The following RORA variants were observed in gnomAD, a reference collection of about 807,000 sequenced individuals.
RORA encodes nuclear receptor ROR-alpha.
RORA carries 7 observed loss-of-function variants against 69.5 expected under a neutral mutation model. The observed-to-expected ratio is 0.10, with a 90% confidence interval of 0.06 to 0.19. The LOEUF is 0.19. Among genes scored for constraint, RORA ranks in the 10% least tolerant of loss-of-function variants. RORA has a pLI of 1.00. For missense variants in RORA, 457 were observed against 663.0 expected (o/e 0.69, Z 3.41); for synonymous variants, 261 against 240.8 (o/e 1.08, Z -0.78).
intron 1 of RORA, among the ~76,000 whole-genome samples, chr15:60,720,652 C>T (rs1314829545): frequency 6.6e-6 from 1 of 152,114 alleles, no homozygotes; most frequent in Non-Finnish European, 1.5e-5. Context: ...ACAAAGTTGC[C>T]GGCAGCACAG....
chr15:60,533,500 G>A (rs2066589668), intron 2 of RORA, among the ~76,000 whole-genome samples: 1 of 152,166 alleles, frequency 6.6e-6, no homozygotes, highest in South Asian at 2.1e-4. Context: ...ATGAAATATG[G>A]TATCTAATAA....
chr15:60,762,722 A>G (rs952307499), intron 1 of RORA, among the ~76,000 whole-genome samples: 9 of 152,330 alleles, frequency 5.9e-5, no homozygotes, highest in African/African-American at 1.7e-4. Flanking sequence ...TACAAGTTCA[A>G]TATCATCTAA....
chr15:60,734,651 T>G (rs1028627930), intron 1 of RORA, among the ~76,000 whole-genome samples: 1 of 152,186 alleles, frequency 6.6e-6, no homozygotes, highest in Non-Finnish European at 1.5e-5. Context: ...GGTACTTCTC[T>G]GTTTTCACAC....
At position 60,951,616 on chromosome 15, in the gene RORA, C is replaced by T. The variant is rs928313467; in HGVS notation, c.167-272930G>A. Among the ~76,000 whole-genome samples, 16 of 149,964 alleles carry T rather than the reference C, an allele frequency of 1.1e-4. No individual in the cohort carries two copies. In the South Asian group the frequency reaches 1.3e-3, roughly 12 times the overall value. Reference sequence around the variant, plus strand: ...AAAATGATAAAGGGGATATCACCACCGATCCCACACAAATACAAACTACCA... The same window carrying T: ...AAAATGATAAAGGGGATATCACCACTGATCCCACACAAATACAAACTACCA... On this transcript the variant is annotated intron_variant, in intron 1 of 10. Coordinates refer to ENST00000335670, the MANE Select transcript of RORA (RefSeq NM_134261.3).
intron 1 of RORA, among the ~76,000 whole-genome samples, chr15:61,030,896 C>A (rs1169391627): frequency 6.6e-6 from 1 of 152,000 alleles, no homozygotes; most frequent in Non-Finnish European, 1.5e-5. Flanking sequence ...TTAAAACTCA[C>A]AAAACTATGA....
chr15:61,165,483 G>C (rs1326080743), intron 1 of RORA, among the ~76,000 whole-genome samples: 2 of 152,180 alleles, frequency 1.3e-5, no homozygotes, highest in South Asian at 2.1e-4. Context: ...ACGGCCAGTG[G>C]TTGGTGGGTT....
intron 1 of RORA, among the ~76,000 whole-genome samples, chr15:60,807,576 C>A (rs2072677560): frequency 6.6e-6 from 1 of 152,048 alleles, no homozygotes; most frequent in Admixed American, 6.6e-5. Flanking sequence ...AAAAAACAAT[C>A]TTAAAATTCA....
chr15:61,015,177 G>A (rs1277579867), intron 1 of RORA, among the ~76,000 whole-genome samples: 1 of 152,132 alleles, frequency 6.6e-6, no homozygotes, highest in Non-Finnish European at 1.5e-5. Context: ...CCATGCACAG[G>A]TACCGGATGC....
chr15:60,866,708 G>T (rs977697393), intron 1 of RORA, among the ~76,000 whole-genome samples: 3 of 152,138 alleles, frequency 2.0e-5, no homozygotes, highest in African/African-American at 7.2e-5. Context: ...AGGGTTCAGG[G>T]AGATTCCAGG....
At chr15:60,703,373 T>C (rs1416077582) in intron 1 of RORA, among the ~76,000 whole-genome samples, 2 of 152,180 alleles carry the variant, frequency 1.3e-5, no homozygotes, top group African/African-American at 4.8e-5. Flanking sequence ...CTAAGATGTG[T>C]TACAGAAAAT....
chr15:60,490,395 A>G lies in RORA; in HGVS notation c.*7060T>C, dbSNP rs2065022968. ...TATACAGCATATTGTGGATTTGATA[A>G]ACAGATAAATATTTGCACTGAGTAG... On this transcript the variant is annotated 3_prime_UTR_variant, in exon 11 of 11. Coordinates refer to ENST00000335670, the MANE Select transcript of RORA (RefSeq NM_134261.3). This position sits in a 1 kb window ranked among gnomAD's most constrained non-coding sequence, Gnocchi z 4.1. 6.6e-6 allele frequency: 1 copy of G among 152,156 alleles called. No homozygotes were observed. Among genetic ancestry groups the G allele is most frequent in the South Asian group, 2.1e-4 (1 of 4,832 alleles). 9.4% of individuals were successfully genotyped at this position (152,156 alleles called of 1,614,324 possible). A position where few individuals can be genotyped will look rare whatever the true frequency, so the allele number is the denominator to read the frequency against.
At chr15:60,775,857 G>A (rs1031074125) in intron 1 of RORA, among the ~76,000 whole-genome samples, 1 of 152,174 alleles carries the variant, frequency 6.6e-6, no homozygotes, top group African/African-American at 2.4e-5. Context: ...GAAGCACCCC[G>A]TCCTTTCATG....
At chr15:60,627,402 C>T (rs916366827) in intron 2 of RORA, 10 of 1,613,660 alleles carry the variant, frequency 6.2e-6, no homozygotes, top group Non-Finnish European at 8.5e-6. Context: ...CATCTGCCTC[C>T]AGAAACTGGG....
At position 61,087,036 on chromosome 15, in the gene RORA, G is replaced by A. The variant is rs146159495; in HGVS notation, c.166+142017C>T. 2.4e-4 allele frequency among the ~76,000 whole-genome samples: 37 copies of A among 152,266 alleles called. No individual in the cohort carries two copies. The East Asian group carries it at 6.4e-3, about 26-fold the overall frequency. On this transcript the variant is annotated intron_variant, in intron 1 of 10. Coordinates refer to ENST00000335670, the MANE Select transcript of RORA (RefSeq NM_134261.3). Reference sequence around the variant, plus strand: ...AAAATTTAAAAATTGGCCAGCCATGGCAGTGTGGCCTGTAGTCCTAGCTAC... The same window carrying A: ...AAAATTTAAAAATTGGCCAGCCATGACAGTGTGGCCTGTAGTCCTAGCTAC...
chr15:60,592,593 C>G, intron 2 of RORA: 3 of 1,215,216 alleles, frequency 2.5e-6, no homozygotes, highest in Non-Finnish European at 3.1e-6. Flanking sequence ...TCACGGCCGC[C>G]GCTCTGTTTA....
chr15:61,025,857 G>A (rs1895783162), intron 1 of RORA, among the ~76,000 whole-genome samples: 1 of 152,206 alleles, frequency 6.6e-6, no homozygotes, highest in African/African-American at 2.4e-5. Context: ...AATTTGCCAT[G>A]CCTACATTCT....
chr15:60,954,663 T>C (rs1398940129), intron 1 of RORA, among the ~76,000 whole-genome samples: 2 of 152,212 alleles, frequency 1.3e-5, no homozygotes, highest in African/African-American at 4.8e-5. Flanking sequence ...GCAAATTCTA[T>C]TAAACCTTGA....
intron 1 of RORA, among the ~76,000 whole-genome samples, chr15:60,730,105 G>A (rs1270685572): frequency 6.6e-6 from 1 of 152,118 alleles, no homozygotes; most frequent in Non-Finnish European, 1.5e-5. Context: ...GCAGACCTTG[G>A]TATCACTTTT....
chr15:60,939,570 C>A (rs897462289), intron 1 of RORA, among the ~76,000 whole-genome samples: 1 of 152,206 alleles, frequency 6.6e-6, no homozygotes, highest in Non-Finnish European at 1.5e-5. Context: ...TTATGCCTTT[C>A]GCCAGAGGGA....
Sources: allele counts gnomAD v4.1 joint callset (sites outside exome capture counted in the v4.1 genomes callset), GRCh38; gene constraint gnomAD v4.1.1; non-coding constraint Gnocchi (gnomAD v3.1); transcripts MANE v1.5; gene names NCBI Gene and HGNC (gene_info 2026-07-23, HGNC 2026-07-21).